CNNM2: variants seen among roughly 807,000 people sequenced by gnomAD.
The protein encoded by CNNM2 is metal transporter CNNM2.
A neutral mutation model predicts 66.9 loss-of-function variants in CNNM2; 12 were observed. That is an observed-to-expected ratio of 0.18 (90% CI 0.11 to 0.29). The LOEUF is 0.29. CNNM2 is among the 10% of genes least tolerant of loss of function. The pLI, the probability that CNNM2 is intolerant of heterozygous loss-of-function variation, is 1.00. For missense variants in CNNM2, 705 were observed against 1,167.7 expected (o/e 0.60, Z 5.77); for synonymous variants, 557 against 501.8 (o/e 1.11, Z -1.47).
intron 1 of CNNM2, among the ~76,000 whole-genome samples, chr10:102,933,820 C>T (rs1846138921): frequency 6.6e-6 from 1 of 152,022 alleles, no homozygotes; most frequent in African/African-American, 2.4e-5. Flanking sequence ...AAGATATACA[C>T]CATCAGGCAC....
At chr10:102,975,904 C>A (rs1008571165) in intron 1 of CNNM2, among the ~76,000 whole-genome samples, 16 of 152,140 alleles carry the variant, frequency 1.1e-4, no homozygotes, top group African/African-American at 3.9e-4. Context: ...ACGAAGTCAG[C>A]AGTTTGAAAT....
intron 4 of CNNM2, among the ~76,000 whole-genome samples, chr10:103,061,115 G>T (rs1386357878): frequency 1.3e-5 from 2 of 152,136 alleles, no homozygotes; most frequent in Non-Finnish European, 2.9e-5. Flanking sequence ...TATATAAACT[G>T]GCCGGGCGTG....
At chr10:103,034,181 G>C (rs963388525) in intron 1 of CNNM2, among the ~76,000 whole-genome samples, 1 of 151,722 alleles carries the variant, frequency 6.6e-6, no homozygotes, top group Non-Finnish European at 1.5e-5. Flanking sequence ...TATTAACTAT[G>C]TAATATATGT....
chr10:103,034,328 T>G (rs868687711), intron 1 of CNNM2, among the ~76,000 whole-genome samples: 1 of 143,000 alleles, frequency 7.0e-6, no homozygotes. Flanking sequence ...TTTTTTTTTT[T>G]GGTTTTAAAA....
intron 1 of CNNM2, among the ~76,000 whole-genome samples, chr10:102,991,212 T>C (rs2063892165): frequency 6.6e-6 from 1 of 152,076 alleles, no homozygotes; most frequent in Non-Finnish European, 1.5e-5. Flanking sequence ...GGTCTCGAAC[T>C]CCTGACCTCA....
intron 1 of CNNM2, among the ~76,000 whole-genome samples, chr10:103,011,682 G>GTGTGTGTATGTA (rs747928487): frequency 4.7e-5 from 7 of 148,276 alleles, no homozygotes; most frequent in African/African-American, 1.5e-4. Flanking sequence ...GTGTGTGTGT[G>GTGTGTGTATGTA]TGTATGTATA....
intron 1 of CNNM2, among the ~76,000 whole-genome samples, chr10:103,001,093 A>G (rs2064112322): frequency 6.6e-6 from 1 of 152,210 alleles, no homozygotes; most frequent in South Asian, 2.1e-4. Flanking sequence ...CAAAAAGACA[A>G]TTACTATATG....
chr10:103,074,311 C>A (rs2065652312), intron 6 of CNNM2, among the ~76,000 whole-genome samples: 1 of 151,826 alleles, frequency 6.6e-6, no homozygotes, highest in Non-Finnish European at 1.5e-5. Context: ...CAAAAGGGTA[C>A]CCGGTACCAT....
In CNNM2 at chr10:102,918,574, A is replaced by C. The variant is rs779803547; in HGVS notation, c.94A>C (p.Ser32Arg). 6.3e-7 allele frequency: 1 copy of C among 1,581,068 alleles called. No homozygotes were observed. The highest frequency in any genetic ancestry group is 1.4e-5 in the African/African-American group (1 of 72,060). The change falls in exon 1 of 8, where the codon AGC (serine) becomes CGC (arginine). Residue 32 changes from serine to arginine, a missense_variant. Transcript: ENST00000369878. This position sits in a 1 kb window ranked among gnomAD's most constrained non-coding sequence, Gnocchi z 4.1. ...CACTTGGAAGATGGCGGCGCGCCGCAGCCTCAGCGCTCGCGGCCGGGGGAT... is the reference window on the plus strand; with the variant it reads ...CACTTGGAAGATGGCGGCGCGCCGCCGCCTCAGCGCTCGCGGCCGGGGGAT... ...LPTWKMAARR[S>R]LSARGRGILQ...
chr10:103,042,672 C>T (rs1233653885), intron 1 of CNNM2, among the ~76,000 whole-genome samples: 2 of 152,094 alleles, frequency 1.3e-5, no homozygotes, highest in African/African-American at 4.8e-5. Flanking sequence ...ATTCATAGCC[C>T]GGATTTTATG....
Position 103,068,709 on chromosome 10 carries a change from G to C in CNNM2, c.2154G>C (p.Leu718=). 1 of 1,612,458 alleles carries C rather than the reference G, an allele frequency of 6.2e-7. No homozygotes were observed. Among genetic ancestry groups the C allele is most frequent in the Non-Finnish European group, 8.5e-7 (1 of 1,179,316 alleles). The change falls in exon 5 of 8, where the codon CTG becomes CTC. Residue 718 remains leucine, a synonymous_variant. Transcript: ENST00000369878. ...TCTCATACTATGGCGTGATGGCCCTGACAGCCTCTCCAGGTATGTTTGGTT... is the reference window on the plus strand; with the variant it reads ...TCTCATACTATGGCGTGATGGCCCTCACAGCCTCTCCAGGTATGTTTGGTT... ...SAFSYYGVMA[L]TASPVPLSLS...
chr10:103,058,880 A>G lies in CNNM2; in HGVS notation c.2073+1916A>G, dbSNP rs570843055. Among the ~76,000 whole-genome samples the G allele has an allele frequency of 3.9e-5, 6 of 152,320 alleles. No individual in the cohort carries two copies. In the South Asian group the frequency reaches 1.2e-3, roughly 32 times the overall value. On this transcript the variant is annotated intron_variant, in intron 4 of 7. Transcript: ENST00000369878. ...ATAGCTGCCATCATTAACAAAGCATATTCTACCTAATATGTCACTAAGCCA... is the reference window on the plus strand; with the variant it reads ...ATAGCTGCCATCATTAACAAAGCATGTTCTACCTAATATGTCACTAAGCCA...
At chr10:102,930,783 A>C (rs1388880728) in intron 1 of CNNM2, among the ~76,000 whole-genome samples, 1 of 152,226 alleles carries the variant, frequency 6.6e-6, no homozygotes, top group Non-Finnish European at 1.5e-5. Flanking sequence ...CATTTCATAT[A>C]ACATGTAAAT....
intron 1 of CNNM2, among the ~76,000 whole-genome samples, chr10:102,941,535 C>T (rs1846434951): frequency 6.6e-6 from 1 of 152,214 alleles, no homozygotes; most frequent in Admixed American, 6.5e-5. Flanking sequence ...CTACAGTGAC[C>T]TCTGGCTGTT....
chr10:103,051,825 G>A (rs1226050979), intron 2 of CNNM2, among the ~76,000 whole-genome samples: 2 of 152,152 alleles, frequency 1.3e-5, no homozygotes, highest in Non-Finnish European at 2.9e-5. Context: ...TTCTGAAAAC[G>A]TATCCTGTTT....
chr10:102,925,626 G>A (rs184349751), intron 1 of CNNM2, among the ~76,000 whole-genome samples: 1 of 152,156 alleles, frequency 6.6e-6, no homozygotes, highest in Non-Finnish European at 1.5e-5. Flanking sequence ...CCAGCAGGCT[G>A]GTCTTCTGGT....
chr10:103,075,815 A>G (rs1223983414), intron 6 of CNNM2, among the ~76,000 whole-genome samples: 1 of 152,166 alleles, frequency 6.6e-6, no homozygotes, highest in Non-Finnish European at 1.5e-5. Flanking sequence ...GAAGGCACAC[A>G]GTGCAGGGTT....
chr10:102,970,943 C>T (rs1214316901), intron 1 of CNNM2, among the ~76,000 whole-genome samples: 1 of 151,700 alleles, frequency 6.6e-6, no homozygotes, highest in Non-Finnish European at 1.5e-5. Context: ...ATAATCCCAA[C>T]ACTTTGGGAG....
chr10:102,978,594 A>G (rs1288359373), intron 1 of CNNM2, among the ~76,000 whole-genome samples: 1 of 152,104 alleles, frequency 6.6e-6, no homozygotes, highest in Non-Finnish European at 1.5e-5. Context: ...GCCTCCTTAT[A>G]ATTATTTTCC....
Sources: gnomAD v4.1 joint callset for allele counts (sites outside exome capture counted in the v4.1 genomes callset) on GRCh38, gnomAD v4.1.1 for gene constraint, Gnocchi (gnomAD v3.1) non-coding constraint, MANE v1.5 for transcripts, NCBI Gene and HGNC (gene_info 2026-07-23, HGNC 2026-07-21) for gene names.